The following CTNND2 variants were observed in gnomAD, a reference collection of about 807,000 sequenced individuals.
CTNND2 encodes catenin delta 2.
CTNND2 carries 22 observed loss-of-function variants against 144.4 expected under a neutral mutation model. The ratio of observed to expected loss-of-function variants is 0.15; its 90% CI spans 0.11 to 0.22. The LOEUF (loss-of-function observed/expected upper bound fraction) is 0.22. Ranked by LOEUF, CTNND2 falls within the 10% of genes least tolerant of loss-of-function variation. The pLI, the probability that CTNND2 is intolerant of heterozygous loss-of-function variation, is 1.00. For synonymous variants in CTNND2, 751 were observed against 695.6 expected, an observed-to-expected ratio of 1.08 and a Z score of -1.25; for missense variants, 1,353 against 1,618.8, an observed-to-expected ratio of 0.84 and a Z score of 2.82.
rs564317958 is a variant in CTNND2, at chr5:11,752,621, C to T, written c.38-20349G>A. 5.6e-4 allele frequency among the ~76,000 whole-genome samples: 85 copies of T among 151,096 alleles called. 2 individuals carry two copies. Among genetic ancestry groups the T allele is most frequent in the African/African-American group, 1.6e-3 (67 of 41,266 alleles). ...TAGTATAGTTTAAAGTCAGGTAGTG[C>T]GATGCCTCCAGCTTTGTTCTTTTTG... On this transcript the variant is annotated intron_variant, in intron 1 of 21. Transcript: ENST00000304623.
intron 5 of CTNND2, 51 bp downstream of exon 5, chr5:11,411,485 T>A (rs557431002): frequency 3.4e-6 from 3 of 887,662 alleles, no homozygotes; most frequent in Non-Finnish European, 5.6e-6. Context: ...AATAATGACA[T>A]AATACTCCTA....
chr5:11,154,419 G>A (rs185862674), intron 12 of CTNND2, among the ~76,000 whole-genome samples: 11 of 152,318 alleles, frequency 7.2e-5, no homozygotes, highest in Admixed American at 2.0e-4. Context: ...GCTACAGGTA[G>A]TGTTTGGTTT....
chr5:11,141,662 T>C (rs2149735610), intron 12 of CTNND2, among the ~76,000 whole-genome samples: 1 of 152,270 alleles, frequency 6.6e-6, no homozygotes. Context: ...AGAAAACAGA[T>C]GGATGCCTTA....
chr5:11,520,008 G>A (rs990271653), intron 3 of CTNND2, among the ~76,000 whole-genome samples: 17 of 151,278 alleles, frequency 1.1e-4, no homozygotes, highest in East Asian at 3.9e-4. Context: ...ACAGCTGGGC[G>A]TGGTGGTGGG....
At chr5:11,490,184 ATTT>A (rs1485394529) in intron 3 of CTNND2, among the ~76,000 whole-genome samples, 2 of 152,174 alleles carry the variant, frequency 1.3e-5, no homozygotes, top group Non-Finnish European at 2.9e-5. Flanking sequence ...AGTCAATGAG[ATTT>A]TTTAAAATTT....
At chr5:11,840,392 T>C (rs138872648) in intron 1 of CTNND2, among the ~76,000 whole-genome samples, 108 of 152,338 alleles carry the variant, frequency 7.1e-4, no homozygotes, top group African/African-American at 2.5e-3. Flanking sequence ...TTAAAATTAC[T>C]TCTCTCAGGT....
chr5:11,828,775 G>A (rs781306598), intron 1 of CTNND2, among the ~76,000 whole-genome samples: 1 of 152,160 alleles, frequency 6.6e-6, no homozygotes, highest in South Asian at 2.1e-4. Context: ...GTGGGGTGCT[G>A]TGAAAATGTG....
chr5:11,733,199 G>A (rs1787491200), intron 1 of CTNND2, among the ~76,000 whole-genome samples: 1 of 152,212 alleles, frequency 6.6e-6, no homozygotes, highest in Non-Finnish European at 1.5e-5. Context: ...CCCAGCTGAA[G>A]CCTGTTGGTC....
At chr5:11,701,850 G>A (rs1216890248) in intron 2 of CTNND2, among the ~76,000 whole-genome samples, 1 of 152,150 alleles carries the variant, frequency 6.6e-6, no homozygotes, top group Non-Finnish European at 1.5e-5. Context: ...CTGAAGATAG[G>A]CTGAGTTATG....
chr5:11,538,902 C>G (rs535716918), intron 3 of CTNND2, among the ~76,000 whole-genome samples: 1 of 152,098 alleles, frequency 6.6e-6, no homozygotes, highest in African/African-American at 2.4e-5. Context: ...ACCTGGATGT[C>G]TATAATAAGA....
At chr5:11,147,023 CAGAAAA>C (rs1467936908) in intron 12 of CTNND2, among the ~76,000 whole-genome samples, 3 of 152,160 alleles carry the variant, frequency 2.0e-5, no homozygotes, top group Non-Finnish European at 4.4e-5. Context: ...GCTGGCACAG[CAGAAAA>C]AGAAGGGCCA....
At chr5:11,562,569 A>G (rs554130934) in intron 3 of CTNND2, among the ~76,000 whole-genome samples, 25 of 152,336 alleles carry the variant, frequency 1.6e-4, no homozygotes, top group Non-Finnish European at 3.4e-4. Context: ...GAAGACTGAT[A>G]TTATATATGG....
At chr5:11,464,358 G>A (rs1441815833) in intron 3 of CTNND2, among the ~76,000 whole-genome samples, 1 of 152,116 alleles carries the variant, frequency 6.6e-6, no homozygotes, top group Non-Finnish European at 1.5e-5. Flanking sequence ...ACTAAGGCAT[G>A]GTGATCACTG....
chr5:11,379,093 A>C (rs1490687947), intron 7 of CTNND2, among the ~76,000 whole-genome samples: 2 of 152,204 alleles, frequency 1.3e-5, no homozygotes, highest in Non-Finnish European at 2.9e-5. Flanking sequence ...TTCTTTTCAA[A>C]ACAGGATTAA....
At chr5:11,167,555 T>C (rs1416847682) in intron 11 of CTNND2, among the ~76,000 whole-genome samples, 1 of 152,194 alleles carries the variant, frequency 6.6e-6, no homozygotes, top group Non-Finnish European at 1.5e-5. Flanking sequence ...CAGCCATCAA[T>C]ACTAAGGTAC....
intron 3 of CTNND2, among the ~76,000 whole-genome samples, chr5:11,539,879 C>G (rs1463032428): frequency 6.6e-6 from 1 of 151,980 alleles, no homozygotes; most frequent in Non-Finnish European, 1.5e-5. Context: ...GCTAAATATA[C>G]AAAAATTAGC....
intron 3 of CTNND2, among the ~76,000 whole-genome samples, chr5:11,505,801 T>C (rs888052325): frequency 8.5e-5 from 13 of 152,086 alleles, no homozygotes; most frequent in African/African-American, 3.1e-4. Flanking sequence ...TCCCCCAAAT[T>C]ACACAACTCA....
chr5:11,207,833 C>T (rs193030718), intron 10 of CTNND2, among the ~76,000 whole-genome samples: 6 of 152,168 alleles, frequency 3.9e-5, no homozygotes, highest in East Asian at 3.9e-4. Flanking sequence ...GTGAAGACAC[C>T]GGTTACCAGC....
At chr5:11,815,165 T>C (rs939089007) in intron 1 of CTNND2, among the ~76,000 whole-genome samples, 2 of 152,104 alleles carry the variant, frequency 1.3e-5, no homozygotes, top group Non-Finnish European at 2.9e-5. Flanking sequence ...ATAGAAATTA[T>C]GTGAAAACTG....
Sources: allele counts gnomAD v4.1 joint callset (sites outside exome capture counted in the v4.1 genomes callset), GRCh38; gene constraint gnomAD v4.1.1; transcripts MANE v1.5; gene names NCBI Gene and HGNC (gene_info 2026-07-23, HGNC 2026-07-21).